The following DIAPH2 variants were observed in gnomAD, a reference collection of about 807,000 sequenced individuals.
DIAPH2 encodes diaphanous related formin 2.
Under a neutral mutation model 92.7 loss-of-function variants are expected in DIAPH2, and 35 were observed. That is an observed-to-expected ratio of 0.38 (90% confidence interval 0.29 to 0.50). The LOEUF (loss-of-function observed/expected upper bound fraction) is 0.50, where lower values mean the gene tolerates loss of function less well. DIAPH2 is among the 20% of genes least tolerant of loss of function. The pLI, the probability that DIAPH2 is intolerant of heterozygous loss-of-function variation, is 0.94. For synonymous variants in DIAPH2, 301 were observed against 280.4 expected (o/e 1.07, Z -0.73); for missense variants, 701 against 819.5 (o/e 0.86, Z 1.77).
intron 17 of DIAPH2, among the ~76,000 whole-genome samples, chrX:96,974,194 G>A (rs986500479): frequency 8.9e-5 from 10 of 111,895 alleles, no homozygotes; most frequent in Admixed American, 1.9e-4. Context: ...TTGAAGGCAC[G>A]GGCAGTCAGC....
At chrX:96,712,231 A>G (rs1409251283) in intron 1 of DIAPH2, among the ~76,000 whole-genome samples, 5 of 111,017 alleles carry the variant, frequency 4.5e-5, no homozygotes, top group Non-Finnish European at 9.5e-5. Flanking sequence ...GTTATTTTTC[A>G]GATGTTTTAT....
intron 24 of DIAPH2, among the ~76,000 whole-genome samples, chrX:97,363,753 T>C (rs897244756): frequency 1.8e-5 from 2 of 109,302 alleles, no homozygotes; most frequent in Admixed American, 2.0e-4. Context: ...TCGGATATCT[T>C]ATTTAAGAAG....
chrX:97,466,931 A>G (rs151028059), intron 26 of DIAPH2, among the ~76,000 whole-genome samples: 1,770 of 112,377 alleles, frequency 0.016, 20 homozygotes, highest in Non-Finnish European at 0.026. Context: ...AAGACATTTG[A>G]TTAAATATGC....
chrX:97,569,711 A>C, intron 26 of DIAPH2, among the ~76,000 whole-genome samples: 1 of 110,728 alleles, frequency 9.0e-6, no homozygotes, highest in Non-Finnish European at 1.9e-5. Context: ...ACTTCTATAG[A>C]GTGATTATTA....
chrX:96,736,865 A>C lies in DIAPH2; in HGVS notation c.165+1075A>C, dbSNP rs1765482671. ...AAGTGATATGAAGGGAAAGGAGAAG[A>C]GATATGTTGATTTAATGGTCAGTTG... On this transcript the variant is annotated intron_variant, in intron 2 of 26. Coordinates refer to ENST00000324765, the MANE Select transcript of DIAPH2 (RefSeq NM_006729.5). Among the ~76,000 whole-genome samples the C allele has an allele frequency of 4.5e-5, 5 of 112,294 alleles. No individual in the cohort carries two copies. In the Admixed American group the frequency reaches 4.7e-4, roughly 11 times the overall value.
intron 17 of DIAPH2, among the ~76,000 whole-genome samples, chrX:97,070,990 CACA>C (rs1313929700): frequency 9.0e-6 from 1 of 111,677 alleles, no homozygotes; most frequent in Non-Finnish European, 1.9e-5. Flanking sequence ...TCCTTCATGG[CACA>C]ACATGTTTTT....
chrX:97,090,893 T>A (rs1194843190), intron 19 of DIAPH2, among the ~76,000 whole-genome samples: 2 of 112,141 alleles, frequency 1.8e-5, no homozygotes. Context: ...TGTGAAGCCA[T>A]TGTTTACCCT....
chrX:96,815,428 C>T (rs747533621), intron 4 of DIAPH2, among the ~76,000 whole-genome samples: 1 of 111,842 alleles, frequency 8.9e-6, no homozygotes, highest in South Asian at 3.8e-4. Flanking sequence ...TAGGTATAGT[C>T]TGTCACAGCT....
intron 4 of DIAPH2, among the ~76,000 whole-genome samples, chrX:96,838,383 T>A (rs929950939): frequency 8.9e-6 from 1 of 112,175 alleles, no homozygotes; most frequent in Non-Finnish European, 1.9e-5. Flanking sequence ...GATTAACTTC[T>A]GTTTGTTATA....
chrX:97,510,341 CT>C (rs1395082262), intron 26 of DIAPH2, among the ~76,000 whole-genome samples: 1 of 107,575 alleles, frequency 9.3e-6, no homozygotes, highest in African/African-American at 3.4e-5. Context: ...CCTTTGCCCA[CT>C]TTTTGATGGT....
At chrX:97,536,978 A>G (rs1437799977) in intron 26 of DIAPH2, among the ~76,000 whole-genome samples, 2 of 112,005 alleles carry the variant, frequency 1.8e-5, no homozygotes, top group Non-Finnish European at 3.8e-5. Context: ...AAGCAAACAT[A>G]TATATTCACA....
Position 97,601,057 on chromosome X carries a change from AC to A in DIAPH2, c.*1741del, listed in dbSNP as rs2071591888. 8.9e-6 allele frequency: 1 copy of A among 112,596 alleles called. No individual in the cohort carries two copies. The highest frequency in any genetic ancestry group is 3.2e-5 in the African/African-American group (1 of 31,053). The allele number at this position is 112,596 out of a possible 1,213,427, so 9.3% of individuals were successfully genotyped here. A position where few individuals can be genotyped will look rare whatever the true frequency, so the allele number is the denominator to read the frequency against. On this transcript the variant is annotated 3_prime_UTR_variant, in exon 27 of 27. Coordinates refer to ENST00000324765, the MANE Select transcript of DIAPH2 (RefSeq NM_006729.5). Reference sequence around the variant, plus strand: ...TACACAAATGCACACACATGCACACACACATTTAAGGGACATAGCAGTAACA... The same window carrying A: ...TACACAAATGCACACACATGCACACAACATTTAAGGGACATAGCAGTAACA...
At chrX:97,140,391 G>A (rs1271856844) in intron 21 of DIAPH2, among the ~76,000 whole-genome samples, 1 of 111,232 alleles carries the variant, frequency 9.0e-6, no homozygotes, top group African/African-American at 3.3e-5. Flanking sequence ...CTTTCAGCTT[G>A]TCCTTGAGTT....
intron 25 of DIAPH2, among the ~76,000 whole-genome samples, chrX:97,388,793 TAAC>T (rs1273254736): frequency 9.0e-6 from 1 of 111,556 alleles, no homozygotes; most frequent in African/African-American, 3.3e-5. Flanking sequence ...TCAATTAAAA[TAAC>T]AATAGTAAAC....
chrX:97,165,187 A>C (rs753006420), intron 22 of DIAPH2, among the ~76,000 whole-genome samples: 4 of 111,244 alleles, frequency 3.6e-5, no homozygotes, highest in Non-Finnish European at 7.5e-5. Context: ...GAGTGGATAC[A>C]ATAATGGGTA....
intron 3 of DIAPH2, among the ~76,000 whole-genome samples, chrX:96,751,652 G>GTTTTTTTTTTTTTT (rs1219167141): frequency 3.3e-5 from 2 of 60,312 alleles, no homozygotes; most frequent in African/African-American, 1.3e-4. Context: ...TCAGTGTTTT[G>GTTTTTTTTTTTTTT]TTTTTTTTTT....
intron 16 of DIAPH2, among the ~76,000 whole-genome samples, chrX:96,964,633 T>G (rs921769715): frequency 9.0e-6 from 1 of 111,654 alleles, no homozygotes; most frequent in Non-Finnish European, 1.9e-5. Context: ...GAGGATTAAA[T>G]TAGTTAATAT....
At chrX:97,127,301 A>G (rs190280379) in intron 21 of DIAPH2, among the ~76,000 whole-genome samples, 1 of 112,356 alleles carries the variant, frequency 8.9e-6, no homozygotes, top group Admixed American at 9.4e-5. Flanking sequence ...TAAGCTTTTC[A>G]GAGGCTATTT....
At chrX:96,723,950 G>A (rs187861415) in intron 1 of DIAPH2, among the ~76,000 whole-genome samples, 3,341 of 83,586 alleles carry the variant, frequency 0.04, 90 homozygotes, top group Non-Finnish European at 0.058. Flanking sequence ...TTGAGACTGA[G>A]TCTCATTCTG....
Sources: allele counts gnomAD v4.1 joint callset (sites outside exome capture counted in the v4.1 genomes callset), GRCh38; gene constraint gnomAD v4.1.1; transcripts MANE v1.5; gene names NCBI Gene and HGNC (gene_info 2026-07-23, HGNC 2026-07-21).